Variants in PRDM5 observed in about 807,000 individuals in gnomAD.
PRDM5 encodes PR domain zinc finger protein 5.
Under a neutral mutation model 81.2 loss-of-function variants are expected in PRDM5, and 56 were observed. That is an observed-to-expected ratio of 0.69 (90% CI 0.56 to 0.86). The LOEUF is 0.86. Ranked by LOEUF, PRDM5 falls within the 40% of genes least tolerant of loss-of-function variation. The pLI is 0.00. For synonymous variants in PRDM5, 267 were observed against 256.4 expected (o/e 1.04, Z -0.39); for missense variants, 697 against 770.1 (o/e 0.91, Z 1.12).
intron 2 of PRDM5, among the ~76,000 whole-genome samples, chr4:120,877,727 C>T (rs919663653): frequency 2.0e-5 from 3 of 152,150 alleles, no homozygotes; most frequent in Non-Finnish European, 4.4e-5. Flanking sequence ...ATTGCTTGAA[C>T]CTAGGAGGCA....
chr4:120,854,207 G>A (rs955492109), intron 2 of PRDM5, among the ~76,000 whole-genome samples: 3 of 152,138 alleles, frequency 2.0e-5, no homozygotes, highest in African/African-American at 7.2e-5. Context: ...GAGAGGAGGG[G>A]AGTAACTCCA....
At chr4:120,861,367 T>C (rs1760551651) in intron 2 of PRDM5, among the ~76,000 whole-genome samples, 1 of 152,176 alleles carries the variant, frequency 6.6e-6, no homozygotes, top group Non-Finnish European at 1.5e-5. Context: ...CAAAAGGTAT[T>C]AAATATTAAT....
intron 14 of PRDM5, chr4:120,731,670 T>C (rs938491945): frequency 1.3e-5 from 2 of 152,104 alleles, no homozygotes; most frequent in African/African-American, 4.8e-5. Flanking sequence ...GAAAGCTCCT[T>C]AGTGGAAGTG....
At chr4:120,735,737 C>T (rs1033468812) in intron 14 of PRDM5, among the ~76,000 whole-genome samples, 6 of 152,064 alleles carry the variant, frequency 3.9e-5, no homozygotes, top group Non-Finnish European at 8.8e-5. Flanking sequence ...CTGGGGGCAT[C>T]GTCTTGAGAC....
intron 14 of PRDM5, among the ~76,000 whole-genome samples, chr4:120,733,805 A>C (rs1740623061): frequency 6.6e-6 from 1 of 152,086 alleles, no homozygotes; most frequent in Non-Finnish European, 1.5e-5. Flanking sequence ...ATCATACAAC[A>C]TGCAGTTATA....
At chr4:120,831,192 G>A (rs1756668111) in intron 3 of PRDM5, among the ~76,000 whole-genome samples, 1 of 152,174 alleles carries the variant, frequency 6.6e-6, no homozygotes, top group East Asian at 1.9e-4. Flanking sequence ...CAAGTGATTA[G>A]AGGGCGGACA....
At chr4:120,798,017 G>T (rs1011832096) in intron 10 of PRDM5, among the ~76,000 whole-genome samples, 9 of 152,118 alleles carry the variant, frequency 5.9e-5, no homozygotes, top group Non-Finnish European at 1.2e-4. Context: ...TTCACAATTA[G>T]TAAACCCCAT....
chr4:120,864,069 A>T (rs184189104), intron 2 of PRDM5, among the ~76,000 whole-genome samples: 31 of 152,342 alleles, frequency 2.0e-4, no homozygotes, highest in African/African-American at 7.0e-4. Flanking sequence ...GCTTCTCAGT[A>T]ATAATACACT....
Position 120,839,512 on chromosome 4 carries a change from C to A in PRDM5, c.300+13906G>T, listed in dbSNP as rs1757748675. On this transcript the variant is annotated intron_variant, in intron 3 of 15. Transcript: ENST00000264808. ...TAGCTCCTCTCTGCAGCTGGTCATT[C>A]CATCATCTGCTCTGCTCTGGCTGAG... Among the ~76,000 whole-genome samples, 3 of 152,182 alleles carry A rather than the reference C, an allele frequency of 2.0e-5. No individual in the cohort carries two copies. In the South Asian group the frequency reaches 6.2e-4, roughly 32 times the overall value.
At chr4:120,731,628 G>C (rs1009409634) in intron 14 of PRDM5, 1 of 152,106 alleles carries the variant, frequency 6.6e-6, no homozygotes, top group Non-Finnish European at 1.5e-5. Flanking sequence ...CGCCAAGTGT[G>C]GTCATGTGGA....
intron 1 of PRDM5, among the ~76,000 whole-genome samples, chr4:120,921,576 CTT>C (rs1561740553): frequency 6.6e-6 from 1 of 152,160 alleles, no homozygotes; most frequent in Non-Finnish European, 1.5e-5. Context: ...CTCTGAACCT[CTT>C]GTTAACATAC....
chr4:120,709,862 T>G (rs1736700077), intron 15 of PRDM5, among the ~76,000 whole-genome samples: 2 of 152,226 alleles, frequency 1.3e-5, no homozygotes, highest in African/African-American at 4.8e-5. Flanking sequence ...CAGCATTATT[T>G]AACACAAAGG....
At chr4:120,912,437 A>G (rs1055646433) in intron 1 of PRDM5, among the ~76,000 whole-genome samples, 12 of 152,190 alleles carry the variant, frequency 7.9e-5, no homozygotes, top group African/African-American at 2.9e-4. Context: ...TAATCAGGTA[A>G]ATCCAGATGT....
At chr4:120,891,395 T>G (rs1214234397) in intron 2 of PRDM5, among the ~76,000 whole-genome samples, 2 of 152,212 alleles carry the variant, frequency 1.3e-5, no homozygotes, top group African/African-American at 2.4e-5. Flanking sequence ...TTGTCATTTC[T>G]GATTGTGCTA....
chr4:120,749,497 C>A (rs1017579988), intron 14 of PRDM5, among the ~76,000 whole-genome samples: 1 of 152,144 alleles, frequency 6.6e-6, no homozygotes, highest in Admixed American at 6.5e-5. Context: ...CTTGAAGGAA[C>A]CCATCTGCTT....
intron 2 of PRDM5, among the ~76,000 whole-genome samples, chr4:120,863,088 T>G (rs1256190057): frequency 6.8e-6 from 1 of 146,246 alleles, no homozygotes; most frequent in African/African-American, 2.6e-5. Flanking sequence ...AACCCAGGAG[T>G]TGCAGGCTGC....
intron 2 of PRDM5, among the ~76,000 whole-genome samples, chr4:120,887,340 A>G (rs1763552536): frequency 6.6e-6 from 1 of 151,972 alleles, no homozygotes; most frequent in South Asian, 2.1e-4. Context: ...CACCAAATCT[A>G]CTGTTAGGGC....
chr4:120,883,980 G>A (rs1449544146), intron 2 of PRDM5, among the ~76,000 whole-genome samples: 1 of 151,970 alleles, frequency 6.6e-6, no homozygotes, highest in East Asian at 1.9e-4. Context: ...CATTTAAAAG[G>A]GTAAATTTTG....
At chr4:120,838,937 T>C (rs1054437213) in intron 3 of PRDM5, 1 of 470,304 alleles carries the variant, frequency 2.1e-6, no homozygotes. Flanking sequence ...CAGTCAGATA[T>C]GCCGGCTGCT....
Sources: allele counts gnomAD v4.1 joint callset (sites outside exome capture counted in the v4.1 genomes callset), GRCh38; gene constraint gnomAD v4.1.1; transcripts MANE v1.5; gene names NCBI Gene and HGNC (gene_info 2026-07-23, HGNC 2026-07-21).